Variants in METTL17 observed in about 807,000 individuals in gnomAD.
METTL17 encodes ribosome assembly protein METTL17, mitochondrial.
Under a neutral mutation model 59.4 loss-of-function variants are expected in METTL17, and 49 were observed. That is an observed-to-expected ratio of 0.82 (90% CI 0.66 to 1.05). The LOEUF is 1.05. Ranked by LOEUF, METTL17 falls within the 50% of genes least tolerant of loss-of-function variation. METTL17 has a pLI of 0.00. For missense variants in METTL17, 555 were observed against 578.4 expected, an observed-to-expected ratio of 0.96 and a Z score of 0.41; for synonymous variants, 208 against 209.2, an observed-to-expected ratio of 0.99 and a Z score of 0.05.
At chr14:20,995,871 C>A in intron 10 of METTL17, 30 bp from the exon 11 acceptor site, 1 of 1,606,210 alleles carries the variant, frequency 6.2e-7, no homozygotes, top group Non-Finnish European at 8.5e-7. Context: ...CTTGGCCCAG[C>A]TTTATTTCTT....
rs1880244085 is a variant in METTL17 at position 20,994,528 on chromosome 14, T to G, written c.698-15T>G. ...CTTCCTACACACTCACAGTTGCCTC[T>G]TCTTTTCTCCACAGGTGGTTCAGAA... On this transcript the variant is annotated splice_polypyrimidine_tract_variant and intron_variant, in intron 7 of 13. Transcript: ENST00000339374. 6.2e-7 allele frequency: 1 copy of G among 1,613,090 alleles called. No homozygotes were observed. Among genetic ancestry groups the G allele is most frequent in the South Asian group, 1.1e-5 (1 of 91,052 alleles).
chr14:20,990,406 G>A, intron 2 of METTL17, 23 bp downstream of exon 2: 1 of 1,613,586 alleles, frequency 6.2e-7, no homozygotes. Flanking sequence ...GGGAAAGCGA[G>A]AAGAAACGGG....
chr14:20,991,903 A>G, intron 3 of METTL17: 1 of 459,098 alleles, frequency 2.2e-6, no homozygotes, highest in Non-Finnish European at 3.8e-6. Context: ...AAGCTGAATA[A>G]ACCATTCTTA....
At chr14:20,993,357 T>G (rs1189733054) in intron 6 of METTL17, 166 bp downstream of exon 6, 5 of 567,786 alleles carry the variant, frequency 8.8e-6, no homozygotes, top group Middle Eastern at 2.7e-4. Context: ...GGTATATGGA[T>G]TGGGGCCAGA....
At chr14:20,990,169 T>TA in intron 1 of METTL17, 61 bp from the exon 2 acceptor site, 1 of 1,573,658 alleles carries the variant, frequency 6.4e-7, no homozygotes, top group Non-Finnish European at 8.7e-7. Flanking sequence ...GCCCCCGCCC[T>TA]AGCGATTGCC....
intron 6 of METTL17, 88 bp from the exon 7 acceptor site, chr14:20,993,880 CA>C (rs1880197145): frequency 1.3e-6 from 1 of 786,390 alleles, no homozygotes; most frequent in Admixed American, 2.2e-5. Context: ...TCTCTTTTCC[CA>C]GGGGTGGGGT....
At chr14:20,993,932 TG>T (rs1725955300) in intron 6 of METTL17, 36 bp from the exon 7 acceptor site, 1 of 1,528,694 alleles carries the variant, frequency 6.5e-7, no homozygotes, top group Non-Finnish European at 9.1e-7. Context: ...CTCTTGGTCA[TG>T]GGAATTGGTG....
chr14:20,996,463 G>T (rs1880379752), intron 12 of METTL17, 64 bp from the exon 13 acceptor site: 10 of 1,554,514 alleles, frequency 6.4e-6, no homozygotes, highest in Admixed American at 1.8e-5. Context: ...GGGGAAGAAG[G>T]GACTGTACAA....
intron 4 of METTL17, 42 bp from the exon 5 acceptor site, chr14:20,992,499 G>A: frequency 6.9e-7 from 1 of 1,451,094 alleles, no homozygotes; most frequent in East Asian, 2.3e-5. Flanking sequence ...ATGGGATTAA[G>A]GTTATTTACT....
At position 20,993,941 on chromosome 14, in the gene METTL17, G is replaced by A. The variant is rs375253332; in HGVS notation, c.603-28G>A. 4.5e-6 allele frequency: 7 copies of A among 1,570,198 alleles called. No homozygotes were observed. The African/African-American group carries it at 8.1e-5, about 18-fold the overall frequency. On this transcript the variant is annotated intron_variant, in intron 6 of 13. Transcript: ENST00000339374. The stretch of plus-strand genomic sequence containing the variant: ...AGATGACTCTTGGTCATGGGAATTG[G>A]TGATTTATAATAATTTTGCCATCTT...
At chr14:20,991,080 G>A (rs1260164764) in intron 3 of METTL17, among the ~76,000 whole-genome samples, 1 of 152,078 alleles carries the variant, frequency 6.6e-6, no homozygotes, top group Non-Finnish European at 1.5e-5. Context: ...CGCCCACCTT[G>A]GCCTCCCAAA....
chr14:20,993,543 T>C, intron 6 of METTL17: 1 of 258,732 alleles, frequency 3.9e-6, no homozygotes, highest in Non-Finnish European at 7.4e-6. Context: ...TGGCACAATC[T>C]CGGCTCACTG....
In METTL17 at chr14:20,994,556, T is replaced by C; in HGVS notation, c.711T>C (p.Ser237=). The change falls in exon 8 of 14, where the codon TCT becomes TCC. Residue 237 remains serine, a synonymous_variant. Transcript: ENST00000339374. The part of the protein sequence containing the change: ...AEKLLKGGSE[S]GEPYIPGVFF... The stretch of plus-strand genomic sequence containing the variant: ...TTTTCTCCACAGGTGGTTCAGAATC[T>C]GGGGAGCCTTATATTCCAGGTGTCT... 4 of 1,614,216 alleles carry C rather than the reference T, an allele frequency of 2.5e-6. No individual in the cohort carries two copies. In the South Asian group the frequency reaches 4.4e-5, roughly 18 times the overall value.
chr14:20,994,866 G>C lies in METTL17; in HGVS notation c.841G>C (p.Val281Leu). 1.2e-6 allele frequency: 2 copies of C among 1,614,104 alleles called. No homozygotes were observed. The highest frequency in any genetic ancestry group is 1.7e-6 in the Non-Finnish European group (2 of 1,179,996). The part of the protein sequence containing the change: ...LPSKADRTEV[V>L]QTLWRKTGHF... Reference sequence around the variant, plus strand: ...CAGCAAGGCTGACCGCACTGAGGTAGTTCAAACCTTATGGCGTAAGACAGG... The same window carrying C: ...CAGCAAGGCTGACCGCACTGAGGTACTTCAAACCTTATGGCGTAAGACAGG... The change falls in exon 9 of 14, where the codon GTT (valine) becomes CTT (leucine). Residue 281 changes from valine to leucine, a missense_variant. By Grantham distance (32) the Val-to-Leu change is conservative. Coordinates refer to ENST00000339374, the MANE Select transcript of METTL17 (RefSeq NM_022734.3).
In METTL17 at chr14:20,990,345, C is replaced by G; in HGVS notation, c.191C>G (p.Pro64Arg). ...CTAAAGCTGCCGCACGTGCGGCTGC[C>G]ACAGGCACTGGCTAACGGTGCCCAG... ...GILKLPHVRLPQALANGAQLL... is the reference protein window; with the variant it reads ...GILKLPHVRLRQALANGAQLL... Residue 64 changes from proline (P) to arginine (R), a missense_variant, in exon 2 of 14, where the codon CCA (proline) becomes CGA (arginine). Pro to Arg is a moderately radical substitution (Grantham distance 103, BLOSUM62 -2). Transcript: ENST00000339374. The G allele has an allele frequency of 6.2e-7, 1 of 1,614,234 alleles. No homozygotes were observed. Among genetic ancestry groups the G allele is most frequent in the Non-Finnish European group, 8.5e-7 (1 of 1,180,030 alleles).
At chr14:20,993,403 T>C (rs559557483) in intron 6 of METTL17, 96 of 485,444 alleles carry the variant, frequency 2.0e-4, no homozygotes, top group Non-Finnish European at 3.1e-4. Flanking sequence ...AAGGCGCATG[T>C]GTAGAAAAAT....
intron 3 of METTL17, among the ~76,000 whole-genome samples, chr14:20,990,917 G>A (rs1012333833): frequency 1.3e-5 from 2 of 151,962 alleles, no homozygotes; most frequent in Admixed American, 1.3e-4. Flanking sequence ...TGCAACCTCC[G>A]CCTCCCGGGT....
intron 6 of METTL17, chr14:20,993,751 G>A (rs1339498467): frequency 8.8e-6 from 3 of 342,676 alleles, no homozygotes; most frequent in Non-Finnish European, 1.6e-5. Context: ...GGGATTACAA[G>A]CATGAGCCAC....
In METTL17 at chr14:20,992,556, G is replaced by C; in HGVS notation, c.462G>C (p.Leu154=). ...HWQELSYTEG[L]SLVYMAARLD... is the part of the protein sequence containing the mutation. The stretch of plus-strand genomic sequence containing the variant: ...TTAATGGCAGCTACACTGAGGGACT[G>C]AGCCTGGTGTATATGGCAGCAAGAC... Residue 154 remains leucine (L), a synonymous_variant, in exon 5 of 14, where the codon CTG becomes CTC. Coordinates refer to ENST00000339374, the MANE Select transcript of METTL17 (RefSeq NM_022734.3). The C allele has an allele frequency of 6.2e-7, 1 of 1,613,884 alleles. No homozygotes were observed. Among genetic ancestry groups the C allele is most frequent in the Non-Finnish European group, 8.5e-7 (1 of 1,179,774 alleles).
Sources: allele counts gnomAD v4.1 joint callset (sites outside exome capture counted in the v4.1 genomes callset), GRCh38; gene constraint gnomAD v4.1.1; transcripts MANE v1.5; gene names NCBI Gene and HGNC (gene_info 2026-07-23, HGNC 2026-07-21).